Variants in HTR2C observed in about 807,000 individuals in gnomAD.
HTR2C encodes 5-hydroxytryptamine (serotonin) receptor 2C, G protein-coupled.
HTR2C carries 5 observed loss-of-function variants against 21.0 expected under a neutral mutation model. That is an observed-to-expected ratio of 0.24 (90% confidence interval 0.12 to 0.50). The LOEUF (loss-of-function observed/expected upper bound fraction) is 0.50. Among genes scored for constraint, HTR2C ranks in the 20% least tolerant of loss-of-function variants. The pLI, the probability that HTR2C is intolerant of heterozygous loss-of-function variation, is 0.98. For missense variants in HTR2C, 271 were observed against 371.2 expected (o/e 0.73, Z 2.22); for synonymous variants, 150 against 145.3 (o/e 1.03, Z -0.23).
chrX:114,787,302 G>A (rs1249558731), intron 4 of HTR2C, among the ~76,000 whole-genome samples: 1 of 111,927 alleles, frequency 8.9e-6, no homozygotes, highest in African/African-American at 3.2e-5. Flanking sequence ...CAGTTTGCAT[G>A]CAATAACACA....
chrX:114,711,787 A>T lies in HTR2C; in HGVS notation c.-79-15071A>T, dbSNP rs140895867. On this transcript the variant is annotated intron_variant, in intron 2 of 5. Coordinates refer to ENST00000276198, the MANE Select transcript of HTR2C (RefSeq NM_000868.4). ...TTCTGTAATATGCATTTCTGTTAAC[A>T]TGAGGTAAAACTAACTTTTATCACT... Among the ~76,000 whole-genome samples the T allele has an allele frequency of 2.6e-3, 294 of 112,134 alleles. 1 individual carries two copies. The highest frequency in any genetic ancestry group is 8.9e-3 in the African/African-American group (276 of 30,990).
intron 4 of HTR2C, among the ~76,000 whole-genome samples, chrX:114,806,992 A>G (rs187159343): frequency 0.015 from 1,178 of 77,575 alleles, 82 homozygotes; most frequent in Admixed American, 0.022. Context: ...TATACCACAT[A>G]TATATACCAT....
At chrX:114,666,856 A>G (rs1038795510) in intron 2 of HTR2C, among the ~76,000 whole-genome samples, 7 of 111,995 alleles carry the variant, frequency 6.3e-5, no homozygotes, top group Non-Finnish European at 5.7e-5. Context: ...TTACTTCCCT[A>G]TGCTTGTCTT....
At chrX:114,744,497 G>A (rs1486669217) in intron 4 of HTR2C, among the ~76,000 whole-genome samples, 1 of 105,187 alleles carries the variant, frequency 9.5e-6, no homozygotes, top group Non-Finnish European at 1.9e-5. Flanking sequence ...TTGTCGCCCA[G>A]GCTGGAGTGC....
chrX:114,600,493 A>G (rs1928040832), intron 1 of HTR2C, among the ~76,000 whole-genome samples: 2 of 111,648 alleles, frequency 1.8e-5, no homozygotes, highest in African/African-American at 6.5e-5. Context: ...ATAGCTATTT[A>G]CTAATAGTAA....
At chrX:114,840,621 G>A (rs1052423883) in intron 4 of HTR2C, among the ~76,000 whole-genome samples, 1 of 111,335 alleles carries the variant, frequency 9.0e-6, no homozygotes, top group Admixed American at 9.5e-5. Flanking sequence ...AAAAAATAAG[G>A]ACTGAAAAAT....
rs2071375690 is a variant in HTR2C at position 114,906,669 on chromosome X, G to A, written c.631G>A (p.Asp211Asn). 4 of 1,211,117 alleles carry A rather than the reference G, an allele frequency of 3.3e-6. No homozygotes were observed. Among genetic ancestry groups the A allele is most frequent in the Non-Finnish European group, 3.4e-6 (3 of 895,147 alleles). ...FVNNTTCVLNDPNFVLIGSFV... is the reference protein window; with the variant it reads ...FVNNTTCVLNNPNFVLIGSFV... The stretch of plus-strand genomic sequence containing the variant: ...GAACAACACGACGTGCGTGCTCAAC[G>A]ACCCAAATTTCGTTCTTATTGGGTC... The change falls in exon 6 of 6, where the codon GAC (aspartate) becomes AAC (asparagine). Residue 211 changes from aspartate to asparagine, a missense_variant. Physicochemically the swap from Asp to Asn is conservative, Grantham distance 23. Coordinates refer to ENST00000276198, the MANE Select transcript of HTR2C (RefSeq NM_000868.4).
At chrX:114,724,353 T>G (rs1380546809) in intron 2 of HTR2C, among the ~76,000 whole-genome samples, 1 of 102,817 alleles carries the variant, frequency 9.7e-6, no homozygotes, top group African/African-American at 3.5e-5. Context: ...GCCTTTTTCG[T>G]TTTCCATTTG....
intron 2 of HTR2C, among the ~76,000 whole-genome samples, chrX:114,614,911 T>C (rs1182082326): frequency 8.9e-6 from 1 of 112,150 alleles, no homozygotes; most frequent in East Asian, 2.8e-4. Flanking sequence ...ATTAAATTTC[T>C]GATTGTTCTC....
chrX:114,811,035 T>G (rs1267258613), intron 4 of HTR2C, among the ~76,000 whole-genome samples: 1 of 111,656 alleles, frequency 9.0e-6, no homozygotes, highest in Non-Finnish European at 1.9e-5. Context: ...GTAAGGCTAA[T>G]TATGTCATTG....
At chrX:114,605,031 T>A (rs1556396330) in intron 1 of HTR2C, among the ~76,000 whole-genome samples, 1 of 111,620 alleles carries the variant, frequency 9.0e-6, no homozygotes, top group African/African-American at 3.3e-5. Context: ...AAGATGGCCT[T>A]TTGACCTTTT....
At chrX:114,700,272 C>A (rs782312333) in intron 2 of HTR2C, among the ~76,000 whole-genome samples, 1 of 111,688 alleles carries the variant, frequency 9.0e-6, no homozygotes, top group East Asian at 2.8e-4. Context: ...AAATGTATGA[C>A]CTCCATTAAA....
At chrX:114,734,231 G>A (rs1469446136) in intron 4 of HTR2C, among the ~76,000 whole-genome samples, 1 of 110,819 alleles carries the variant, frequency 9.0e-6, no homozygotes, top group African/African-American at 3.3e-5. Flanking sequence ...AAGATGAGAC[G>A]AAGAAAGAAG....
intron 1 of HTR2C, among the ~76,000 whole-genome samples, chrX:114,595,778 C>T (rs982550664): frequency 9.7e-6 from 1 of 103,049 alleles, no homozygotes; most frequent in East Asian, 3.2e-4. Flanking sequence ...TAACAATAGA[C>T]TGACTAATGA....
intron 1 of HTR2C, among the ~76,000 whole-genome samples, chrX:114,596,463 T>C (rs1199507419): frequency 1.8e-5 from 2 of 111,908 alleles, no homozygotes; most frequent in African/African-American, 6.5e-5. Flanking sequence ...TATAGGCTAT[T>C]ACCTTATAAA....
intron 2 of HTR2C, among the ~76,000 whole-genome samples, chrX:114,686,508 C>G (rs1190698691): frequency 1.8e-5 from 2 of 110,602 alleles, no homozygotes; most frequent in Admixed American, 2.0e-4. Flanking sequence ...TTAGGTCTAT[C>G]AAGGTGGGCA....
intron 2 of HTR2C, among the ~76,000 whole-genome samples, chrX:114,719,302 T>C (rs1661452017): frequency 9.1e-6 from 1 of 110,221 alleles, no homozygotes; most frequent in Non-Finnish European, 1.9e-5. Flanking sequence ...ATCAGAAAGT[T>C]TCATTAGAGT....
intron 2 of HTR2C, among the ~76,000 whole-genome samples, chrX:114,621,517 G>A (rs1929163029): frequency 8.9e-6 from 1 of 111,735 alleles, no homozygotes; most frequent in Non-Finnish European, 1.9e-5. Flanking sequence ...TTCTTAGCTT[G>A]TAGGCCATAC....
intron 2 of HTR2C, among the ~76,000 whole-genome samples, chrX:114,615,293 A>T (rs1928905285): frequency 8.9e-6 from 1 of 111,937 alleles, no homozygotes; most frequent in African/African-American, 3.3e-5. Context: ...ATTTAAGATG[A>T]TGGCAAAGGT....
Sources: allele counts gnomAD v4.1 joint callset (sites outside exome capture counted in the v4.1 genomes callset), GRCh38; gene constraint gnomAD v4.1.1; transcripts MANE v1.5; gene names NCBI Gene and HGNC (gene_info 2026-07-23, HGNC 2026-07-21).